Variants in HMGXB3 observed in about 807,000 individuals in gnomAD.
The protein encoded by HMGXB3 is HMG domain-containing protein 3.
In HMGXB3, 45 loss-of-function variants were observed where a neutral mutation model predicts 121.5. The ratio of observed to expected loss-of-function variants is 0.37; its 90% CI spans 0.29 to 0.47. The LOEUF is 0.47. HMGXB3 is among the 20% of genes least tolerant of loss of function. The pLI is 0.99. For missense variants in HMGXB3, 1,376 were observed against 1,602.2 expected (o/e 0.86, Z 2.41); for synonymous variants, 590 against 624.1 (o/e 0.95, Z 0.81).
chr5:150,030,030 A>C (rs1019600890), intron 9 of HMGXB3, among the ~76,000 whole-genome samples: 1 of 152,252 alleles, frequency 6.6e-6, no homozygotes, highest in African/African-American at 2.4e-5. Flanking sequence ...TAAAAGCCAC[A>C]AGCTCTTTTA....
At chr5:150,028,560 T>TTTA (rs1756299358) in intron 9 of HMGXB3, among the ~76,000 whole-genome samples, 26 of 70,090 alleles carry the variant, frequency 3.7e-4, no homozygotes, top group African/African-American at 1.9e-3. Flanking sequence ...TATATATATA[T>TTTA]TTTTTTTTTT....
At chr5:150,032,649 T>C in intron 11 of HMGXB3, 46 bp downstream of exon 11, 1 of 1,544,860 alleles carries the variant, frequency 6.5e-7, no homozygotes, top group South Asian at 1.2e-5. Context: ...TTCTGGGCTC[T>C]GTTAGTGAAC....
chr5:150,030,008 T>C (rs190388481), intron 9 of HMGXB3, among the ~76,000 whole-genome samples: 89 of 152,354 alleles, frequency 5.8e-4, no homozygotes, highest in East Asian at 1.2e-3. Flanking sequence ...ATTGGTGACA[T>C]TGGGTATTTG....
rs1756964082 is a variant in HMGXB3, at chr5:150,052,815, C to T, written c.*623C>T. 6.6e-6 allele frequency: 1 copy of T among 152,646 alleles called. No individual in the cohort carries two copies. Among genetic ancestry groups the T allele is most frequent in the Non-Finnish European group, 1.5e-5 (1 of 68,442 alleles). The allele number at this position is 152,646 out of a possible 1,614,324, so 9.5% of individuals were successfully genotyped here. ...TCTCTTCCAGCACTGTCCTCTCCAC[C>T]CCAAGCTTTGAGGAAGAGCATCCCC... is the stretch of plus-strand genomic sequence containing the variant. On this transcript the variant is annotated 3_prime_UTR_variant, in exon 20 of 20. Transcript: ENST00000502717.
Position 150,032,463 on chromosome 5 carries a change from C to A in HMGXB3, c.1843C>A (p.Leu615Met). ...YSCTVTLDLG[L>M]ATSRGRGKCK... is the part of the protein sequence containing the mutation. ...GGTCTTACTTTTTTAGGATTTGGGCCTGGCTACATCAAGAGGCCGGGGAAA... is the reference window on the plus strand; with the variant it reads ...GGTCTTACTTTTTTAGGATTTGGGCATGGCTACATCAAGAGGCCGGGGAAA... Residue 615 changes from leucine to methionine, a missense_variant, in exon 11 of 20, where the codon CTG becomes ATG. Around this residue, in one of 2 missense-constraint regions of HMGXB3, gnomAD observed 1,116 missense variants for 1,369.0 expected, o/e 0.82. Coordinates refer to ENST00000502717, the MANE Select transcript of HMGXB3 (RefSeq NM_014983.3). The A allele has an allele frequency of 6.4e-7, 1 of 1,551,514 alleles. No individual in the cohort carries two copies. The highest frequency in any genetic ancestry group is 8.7e-7 in the Non-Finnish European group (1 of 1,146,866).
At chr5:150,004,824 CTTTAT>C in intron 1 of HMGXB3, 22 bp from the exon 2 acceptor site, 1 of 1,500,430 alleles carries the variant, frequency 6.7e-7, no homozygotes, top group Non-Finnish European at 9.0e-7. Context: ...ATTCTGGAAA[CTTTAT>C]TTTGACTTTC....
chr5:150,014,504 G>A (rs1343786251), intron 5 of HMGXB3, among the ~76,000 whole-genome samples: 2 of 152,204 alleles, frequency 1.3e-5, no homozygotes, highest in Non-Finnish European at 2.9e-5. Context: ...CCACTGTGTA[G>A]TTATTCCTTT....
intron 3 of HMGXB3, 99 bp downstream of exon 3, chr5:150,006,746 GAA>G: frequency 1.8e-6 from 2 of 1,095,394 alleles, no homozygotes; most frequent in Non-Finnish European, 2.6e-6. Context: ...CTTTTTTTGG[GAA>G]AAGTTTCATC....
intron 3 of HMGXB3, among the ~76,000 whole-genome samples, chr5:150,008,416 C>A (rs559350975): frequency 6.6e-6 from 1 of 152,252 alleles, no homozygotes; most frequent in South Asian, 2.1e-4. Flanking sequence ...TAGCTGAATT[C>A]TTGATAATAC....
At chr5:150,013,409 A>G (rs1755888231) in intron 5 of HMGXB3, among the ~76,000 whole-genome samples, 2 of 152,194 alleles carry the variant, frequency 1.3e-5, no homozygotes, top group Admixed American at 1.3e-4. Flanking sequence ...CCACCCTTGT[A>G]TTCCTGGGAC....
chr5:150,041,840 C>T lies in HMGXB3; in HGVS notation c.2601C>T (p.Gly867=). 6.4e-7 allele frequency: 1 copy of T among 1,551,676 alleles called. No homozygotes were observed. Among genetic ancestry groups the T allele is most frequent in the Non-Finnish European group, 8.7e-7 (1 of 1,146,934 alleles). ...LSQLQELLCN[G]YWAFECLTVR... is the part of the protein sequence containing the mutation. ...AGCTGCAGGAGCTGCTGTGCAATGG[C>T]TATTGGGCCTTTGAGTGCCTCACTG... Residue 867 remains glycine, a synonymous_variant, in exon 15 of 20, where the codon GGC becomes GGT. Transcript: ENST00000502717.
rs1554100878 is a variant in HMGXB3 at position 150,053,054 on chromosome 5, G to GTTAA, written c.*865_*868dup. ...TTTAGGGCCTGGGAATTGGCCATGT[G>GTTAA]TTAATTTATTGAGTGGAGTAGGTGG... On this transcript the variant is annotated 3_prime_UTR_variant, in exon 20 of 20. Transcript: ENST00000502717. The GTTAA allele has an allele frequency of 1.1e-5, 2 of 174,180 alleles. No individual in the cohort carries two copies. Among genetic ancestry groups the GTTAA allele is most frequent in the South Asian group, 4.0e-4 (2 of 4,998 alleles). 10.8% of individuals were successfully genotyped at this position (174,180 alleles called of 1,614,324 possible). A position where few individuals can be genotyped will look rare whatever the true frequency, so the allele number is the denominator to read the frequency against.
chr5:150,020,746 C>CT (rs34111560), intron 6 of HMGXB3, among the ~76,000 whole-genome samples: 24,645 of 135,078 alleles, frequency 0.18, 4,331 homozygotes, highest in African/African-American at 0.47. Flanking sequence ...ACTGAAACAG[C>CT]TTTTTTTTTT....
rs549608848 is a variant in HMGXB3, at chr5:150,001,132, C to G, written c.-50C>G. On this transcript the variant is annotated 5_prime_UTR_variant, in exon 1 of 20. Coordinates refer to ENST00000502717, the MANE Select transcript of HMGXB3 (RefSeq NM_014983.3). ...CCATCCCCCTCGTCCAGCCGCCGGG[C>G]CAAGCGCCTCCGGGAATGTGAGCGG... The G allele has an allele frequency of 6.5e-6, 1 of 153,964 alleles. No individual in the cohort carries two copies. Among genetic ancestry groups the G allele is most frequent in the South Asian group, 2.0e-4 (1 of 4,884 alleles). The allele number at this position is 153,964 out of a possible 1,614,324, so 9.5% of individuals were successfully genotyped here.
In HMGXB3 at chr5:150,047,658, G is replaced by A. The variant is rs1476889498; in HGVS notation, c.2985G>A (p.Glu995=). ...SGSALVRLLQ[E]GTCKLDEIGS... ...GTGCCTTGGTGAGGCTGCTCCAGGA[G>A]GGCACCTGCAAGCTTGATGAGATTG... is the stretch of plus-strand genomic sequence containing the variant. Residue 995 remains glutamate, a synonymous_variant, in exon 17 of 20, where the codon GAG becomes GAA. Transcript: ENST00000502717. 2 of 1,551,738 alleles carry A rather than the reference G, an allele frequency of 1.3e-6. No homozygotes were observed. The highest frequency in any genetic ancestry group is 1.7e-6 in the Non-Finnish European group (2 of 1,147,006).
intron 10 of HMGXB3, among the ~76,000 whole-genome samples, chr5:150,031,060 G>A (rs1756364566): frequency 6.6e-6 from 1 of 152,214 alleles, no homozygotes; most frequent in South Asian, 2.1e-4. Flanking sequence ...GATTTATAAA[G>A]TGTAGGACAG....
At chr5:150,036,972 A>G in intron 12 of HMGXB3, 35 bp downstream of exon 12, 1 of 1,512,754 alleles carries the variant, frequency 6.6e-7, no homozygotes, top group African/African-American at 1.4e-5. Flanking sequence ...TAGCTACCCC[A>G]TCCCATTTGG....
intron 16 of HMGXB3, 117 bp from the exon 17 acceptor site, chr5:150,047,507 C>T: frequency 8.2e-7 from 1 of 1,213,822 alleles, no homozygotes; most frequent in Admixed American, 2.4e-5. Context: ...CCTCTGCCAG[C>T]ACTGGGGGAG....
intron 3 of HMGXB3, 52 bp downstream of exon 3, chr5:150,006,699 C>T: frequency 6.8e-7 from 1 of 1,472,770 alleles, no homozygotes; most frequent in South Asian, 1.2e-5. Flanking sequence ...GTGATGAAGG[C>T]CTTGGGAAAA....
Sources: gnomAD v4.1 joint callset for allele counts (sites outside exome capture counted in the v4.1 genomes callset) on GRCh38, gnomAD v4.1.1 for gene constraint, gnomAD v4.1.1 regional missense constraint, MANE v1.5 for transcripts, NCBI Gene and HGNC (gene_info 2026-07-23, HGNC 2026-07-21) for gene names.